ZNF214: variants seen among roughly 807,000 people sequenced by gnomAD.
ZNF214 encodes zinc finger protein 214.
ZNF214 carries 43 observed loss-of-function variants against 53.9 expected under a neutral mutation model. The observed-to-expected ratio is 0.80, with a 90% CI of 0.63 to 1.03. ZNF214 has a LOEUF of 1.03. ZNF214 is among the 50% of genes least tolerant of loss of function. The probability of loss-of-function intolerance (pLI) is 0.00; values close to 1 mark genes in which losing one functional copy is unlikely to be tolerated. For synonymous variants in ZNF214, 217 were observed against 229.5 expected, an observed-to-expected ratio of 0.95 and a Z score of 0.49; for missense variants, 724 against 719.1, an observed-to-expected ratio of 1.01 and a Z score of -0.08.
chr11:7,004,671 C>A (rs1160141927), intron 1 of ZNF214, among the ~76,000 whole-genome samples: 2 of 152,092 alleles, frequency 1.3e-5, no homozygotes, highest in African/African-American at 4.8e-5. Context: ...TATGTCATGT[C>A]ATGAGAAAAC....
At position 6,999,521 on chromosome 11, in the gene ZNF214, G is replaced by A. The variant is rs1851266228; in HGVS notation, c.*341C>T. 1 of 157,476 alleles carries A rather than the reference G, an allele frequency of 6.4e-6. No homozygotes were observed. Among genetic ancestry groups the A allele is most frequent in the South Asian group, 2.0e-4 (1 of 5,110 alleles). 9.8% of individuals were successfully genotyped at this position (157,476 alleles called of 1,614,324 possible). ...TTTAAGTAAATATTTTGAAGACAGT[G>A]AAAATACAAAATTGAACACACAATT... is the stretch of plus-strand genomic sequence containing the variant. On this transcript the variant is annotated 3_prime_UTR_variant, in exon 3 of 3. Coordinates refer to ENST00000278314, the MANE Select transcript of ZNF214 (RefSeq NM_013249.4).
At chr11:7,010,534 A>G (rs1851581119) in intron 1 of ZNF214, among the ~76,000 whole-genome samples, 2 of 151,902 alleles carry the variant, frequency 1.3e-5, no homozygotes, top group Admixed American at 1.3e-4. Context: ...AATTTATATA[A>G]CAAAGCTGTA....
chr11:7,011,924 C>T (rs1851615033), intron 1 of ZNF214, among the ~76,000 whole-genome samples: 1 of 152,102 alleles, frequency 6.6e-6, no homozygotes, highest in Non-Finnish European at 1.5e-5. Context: ...AGAAAACTTT[C>T]ACATTCCAAT....
At chr11:7,004,443 T>G (rs4758150) in intron 1 of ZNF214, among the ~76,000 whole-genome samples, 88,033 of 151,824 alleles carry the variant, frequency 0.58, 26,430 homozygotes, top group East Asian at 0.74. Flanking sequence ...TGATAATTTT[T>G]AAACATGCCC....
chr11:7,011,066 G>C (rs1044976477), intron 1 of ZNF214, among the ~76,000 whole-genome samples: 12 of 151,832 alleles, frequency 7.9e-5, no homozygotes, highest in African/African-American at 2.9e-4. Flanking sequence ...TAATCCCAAG[G>C]CTCTAAGAGT....
chr11:7,019,925 C>T (rs1482641294), intron 1 of ZNF214, 148 bp downstream of exon 1: 3 of 152,142 alleles, frequency 2.0e-5, no homozygotes, highest in Non-Finnish European at 2.9e-5. Flanking sequence ...CGGTCTCCGC[C>T]ACAGACCCGG....
chr11:7,003,050 G>T (rs1349780033), intron 1 of ZNF214, among the ~76,000 whole-genome samples, 195 bp from the exon 2 acceptor site: 1 of 151,778 alleles, frequency 6.6e-6, no homozygotes, highest in Non-Finnish European at 1.5e-5. Context: ...ACTATCAAAA[G>T]AAACACCTAT....
At position 6,998,054 on chromosome 11, in the gene ZNF214, C is replaced by T. The variant is rs1851228241; in HGVS notation, c.*1808G>A. On this transcript the variant is annotated 3_prime_UTR_variant, in exon 3 of 3. Transcript: ENST00000278314. ...CTCTTTAAGGCACATATACGCTACA[C>T]TGTTTTCTTGCTTATCAAAAATATT... Among the ~76,000 whole-genome samples the T allele has an allele frequency of 1.3e-5, 2 of 151,922 alleles. No individual in the cohort carries two copies. The highest frequency in any genetic ancestry group is 2.9e-5 in the Non-Finnish European group (2 of 67,878).
chr11:7,001,685 C>T, intron 2 of ZNF214, 130 bp from the exon 3 acceptor site: 1 of 995,366 alleles, frequency 1.0e-6, no homozygotes, highest in Non-Finnish European at 1.4e-6. Context: ...AGGGTTATGA[C>T]TCTGCCTGCT....
chr11:7,011,778 A>G (rs1851611141), intron 1 of ZNF214, among the ~76,000 whole-genome samples: 1 of 142,412 alleles, frequency 7.0e-6, no homozygotes, highest in Non-Finnish European at 1.5e-5. Flanking sequence ...AATAAACTAT[A>G]AATTAAGAGA....
At chr11:7,003,405 T>TCAG (rs148046850) in intron 1 of ZNF214, among the ~76,000 whole-genome samples, 2 of 151,940 alleles carry the variant, frequency 1.3e-5, no homozygotes, top group African/African-American at 4.8e-5. Context: ...ACTATCATCA[T>TCAG]CAGCAGCAGC....
intron 1 of ZNF214, among the ~76,000 whole-genome samples, chr11:7,014,822 A>C (rs1289232746): frequency 6.6e-6 from 1 of 150,546 alleles, no homozygotes; most frequent in East Asian, 1.9e-4. Context: ...AAAAAAAACA[A>C]AAAAAAAACA....
Position 7,015,460 on chromosome 11 carries a change from C to G in ZNF214, c.-21+4613G>C, listed in dbSNP as rs145324383. 1.2e-3 allele frequency among the ~76,000 whole-genome samples: 189 copies of G among 151,988 alleles called. 3 individuals carry two copies. The highest frequency in any genetic ancestry group is 4.3e-3 in the African/African-American group (177 of 41,484). On this transcript the variant is annotated intron_variant, in intron 1 of 2. Transcript: ENST00000278314. ...AGATGTGGGGCTCACCCGTGTAATC[C>G]CAGCTACTTGGGAGGCTGAGGCATG...
Position 7,000,790 on chromosome 11 carries a change from ATGTGAAC to A in ZNF214, c.886_892del (p.Val296Ter). ...ATTACAGCTATAAGGTACCTCCCCTATGTGAACTCTCTGATGAAAGTGAACTCCGGAG... is the reference window on the plus strand; with the variant it reads ...ATTACAGCTATAAGGTACCTCCCCTATCTCTGATGAAAGTGAACTCCGGAG... On this transcript the variant is annotated frameshift_variant, in exon 3 of 3. Coordinates refer to ENST00000278314, the MANE Select transcript of ZNF214 (RefSeq NM_013249.4). LOFTEE classifies it high-confidence loss of function. 6.2e-7 allele frequency: 1 copy of A among 1,610,916 alleles called. No individual in the cohort carries two copies. Among genetic ancestry groups the A allele is most frequent in the South Asian group, 1.1e-5 (1 of 90,946 alleles).
chr11:6,999,596 AAG>A lies in ZNF214; in HGVS notation c.*264_*265del, dbSNP rs1397021750. On this transcript the variant is annotated 3_prime_UTR_variant, in exon 3 of 3. Coordinates refer to ENST00000278314, the MANE Select transcript of ZNF214 (RefSeq NM_013249.4). ...AAAAAGACTAGAATGAAATAGAATG[AAG>A]AGTTTTCTCCTTAAATGTTTAATAT... is the stretch of plus-strand genomic sequence containing the variant. 4.0e-5 allele frequency: 10 copies of A among 251,762 alleles called. No homozygotes were observed. Among genetic ancestry groups the A allele is most frequent in the African/African-American group, 1.1e-4 (5 of 44,898 alleles). The allele number at this position is 251,762 out of a possible 1,614,324, so 15.6% of individuals were successfully genotyped here.
At chr11:7,008,240 C>A (rs1012952178) in intron 1 of ZNF214, among the ~76,000 whole-genome samples, 1 of 152,004 alleles carries the variant, frequency 6.6e-6, no homozygotes, top group African/African-American at 2.4e-5. Flanking sequence ...TGAGACCAGC[C>A]TAGGCAATAT....
At chr11:7,010,994 A>C (rs1209985354) in intron 1 of ZNF214, among the ~76,000 whole-genome samples, 1 of 151,974 alleles carries the variant, frequency 6.6e-6, no homozygotes, top group Non-Finnish European at 1.5e-5. Context: ...AGACTAATAA[A>C]AAATCATATA....
At chr11:7,004,436 T>A (rs1851428660) in intron 1 of ZNF214, among the ~76,000 whole-genome samples, 1 of 152,068 alleles carries the variant, frequency 6.6e-6, no homozygotes, top group South Asian at 2.1e-4. Context: ...TTATTTGTGA[T>A]AATTTTTAAA....
chr11:7,017,688 G>A (rs1032111705), intron 1 of ZNF214, among the ~76,000 whole-genome samples: 1 of 150,800 alleles, frequency 6.6e-6, no homozygotes, highest in Admixed American at 6.6e-5. Context: ...GCAGTGAGCC[G>A]AGATTATGCC....
Sources: gnomAD v4.1 joint callset for allele counts (sites outside exome capture counted in the v4.1 genomes callset) on GRCh38, gnomAD v4.1.1 for gene constraint, MANE v1.5 for transcripts, NCBI Gene and HGNC (gene_info 2026-07-23, HGNC 2026-07-21) for gene names.